Variants in ZBTB20 observed in about 807,000 individuals in gnomAD.
ZBTB20 encodes the protein zinc finger and BTB domain-containing protein 20.
ZBTB20 carries 9 observed loss-of-function variants against 56.9 expected under a neutral mutation model. The ratio of observed to expected loss-of-function variants is 0.16; its 90% CI spans 0.10 to 0.28. The LOEUF (loss-of-function observed/expected upper bound fraction) is 0.28, where lower values mean the gene tolerates loss of function less well. Ranked by LOEUF, ZBTB20 falls within the 10% of genes least tolerant of loss-of-function variation. ZBTB20 has a pLI of 1.00. For synonymous variants in ZBTB20, 417 were observed against 420.7 expected (o/e 0.99, Z 0.11); for missense variants, 655 against 1,003.0 (o/e 0.65, Z 4.69).
chr3:114,991,778 C>G (rs2078821668), intron 2 of ZBTB20, among the ~76,000 whole-genome samples: 1 of 152,064 alleles, frequency 6.6e-6, no homozygotes, highest in Non-Finnish European at 1.5e-5. Context: ...CTTTATGAAT[C>G]TGGGTGCTCC....
intron 1 of ZBTB20, among the ~76,000 whole-genome samples, chr3:115,127,293 T>C (rs2084360825): frequency 6.6e-6 from 1 of 152,144 alleles, no homozygotes; most frequent in African/African-American, 2.4e-5. Context: ...ATCTTAGTCT[T>C]TAAAAAAAGG....
chr3:114,429,012 AG>A (rs2089924821), intron 7 of ZBTB20, among the ~76,000 whole-genome samples: 1 of 152,138 alleles, frequency 6.6e-6, no homozygotes, highest in African/African-American at 2.4e-5. Context: ...AAAAAGATAC[AG>A]GGGGAGAGAT....
In ZBTB20 at chr3:114,338,354, G is replaced by C. The variant is rs1355936051; in HGVS notation, c.*651C>G. ...GGGCCAGGGTGTGTGGACCCGGGCA[G>C]AATCTGGGGAAGAAGCCTGCCATTC... is the stretch of plus-strand genomic sequence containing the variant. On this transcript the variant is annotated 3_prime_UTR_variant, in exon 12 of 12. Transcript: ENST00000675478. 1.3e-5 allele frequency: 2 copies of C among 152,164 alleles called. No individual in the cohort carries two copies. The highest frequency in any genetic ancestry group is 2.9e-5 in the Non-Finnish European group (2 of 68,042). 9.4% of individuals were successfully genotyped at this position (152,164 alleles called of 1,614,324 possible).
Position 114,314,701 on chromosome 3 carries a change from T to G in ZBTB20, c.*24304A>C, listed in dbSNP as rs2078612797. ...ACACAAAACAGAAACCTTGTAAAATTTATTTTCGTATTTTTAAGGCGTAAT... is the reference window on the plus strand; with the variant it reads ...ACACAAAACAGAAACCTTGTAAAATGTATTTTCGTATTTTTAAGGCGTAAT... On this transcript the variant is annotated 3_prime_UTR_variant, in exon 12 of 12. Transcript: ENST00000675478. 1 of 151,854 alleles carries G rather than the reference T, an allele frequency of 6.6e-6. No individual in the cohort carries two copies. The highest frequency in any genetic ancestry group is 2.4e-5 in the African/African-American group (1 of 41,366). The allele number at this position is 151,854 out of a possible 1,614,324, so 9.4% of individuals were successfully genotyped here.
chr3:114,729,017 C>T (rs2065518775), intron 5 of ZBTB20, among the ~76,000 whole-genome samples: 1 of 152,104 alleles, frequency 6.6e-6, no homozygotes, highest in Non-Finnish European at 1.5e-5. Flanking sequence ...CACCATGGCA[C>T]ATGTTTACCT....
intron 5 of ZBTB20, among the ~76,000 whole-genome samples, chr3:114,733,437 A>G (rs1462834523): frequency 6.6e-6 from 1 of 152,084 alleles, no homozygotes; most frequent in African/African-American, 2.4e-5. Flanking sequence ...CACATTCTCT[A>G]TTTGATCTGA....
In ZBTB20 at chr3:114,338,939, CTTTT is replaced by C. The variant is rs2079558696; in HGVS notation, c.*62_*65del. ...CATTTCTTAAATTCTAGTGCCATAG[CTTTT>C]TTGTTTGTTTGTTTTTTGTTGTTGT... On this transcript the variant is annotated 3_prime_UTR_variant, in exon 12 of 12. Transcript: ENST00000675478. 2.8e-6 allele frequency: 4 copies of C among 1,442,824 alleles called. No homozygotes were observed. The highest frequency in any genetic ancestry group is 2.3e-5 in the East Asian group (1 of 42,714). 89.4% of individuals were successfully genotyped at this position (1,442,824 alleles called of 1,614,324 possible).
At chr3:114,731,001 T>C (rs1431360915) in intron 5 of ZBTB20, among the ~76,000 whole-genome samples, 1 of 152,234 alleles carries the variant, frequency 6.6e-6, no homozygotes, top group East Asian at 1.9e-4. Flanking sequence ...TCCTATTTTT[T>C]ACCTTTGAAC....
At chr3:114,869,975 C>T (rs1339538529) in intron 4 of ZBTB20, among the ~76,000 whole-genome samples, 5 of 152,166 alleles carry the variant, frequency 3.3e-5, no homozygotes, top group African/African-American at 1.2e-4. Context: ...AAAATCTTCA[C>T]ACAATCCTTG....
At chr3:114,537,574 G>A (rs544124135) in intron 6 of ZBTB20, among the ~76,000 whole-genome samples, 5 of 152,284 alleles carry the variant, frequency 3.3e-5, no homozygotes, top group South Asian at 4.1e-4. Context: ...GGAAGACAGC[G>A]TGGCAATTCA....
chr3:114,412,631 T>G (rs1206734494), intron 7 of ZBTB20, among the ~76,000 whole-genome samples: 5 of 151,996 alleles, frequency 3.3e-5, no homozygotes, highest in African/African-American at 1.2e-4. Context: ...AGGCAAGCAG[T>G]TTTAGGCTTT....
intron 4 of ZBTB20, among the ~76,000 whole-genome samples, chr3:114,807,023 C>A (rs530425080): frequency 6.6e-6 from 1 of 151,860 alleles, no homozygotes. Context: ...AGAAATTGTA[C>A]GTTATCTAAT....
At chr3:114,544,338 T>C (rs2049466169) in intron 6 of ZBTB20, among the ~76,000 whole-genome samples, 1 of 152,174 alleles carries the variant, frequency 6.6e-6, no homozygotes, top group Non-Finnish European at 1.5e-5. Context: ...AACAAATCTA[T>C]TTAAGATAAA....
chr3:114,765,970 A>G (rs998247108), intron 5 of ZBTB20, among the ~76,000 whole-genome samples: 1 of 152,212 alleles, frequency 6.6e-6, no homozygotes, highest in Non-Finnish European at 1.5e-5. Context: ...ACTAAGAAGG[A>G]AGATAAATAT....
chr3:114,764,299 A>G (rs2068637824), intron 5 of ZBTB20, among the ~76,000 whole-genome samples: 1 of 149,726 alleles, frequency 6.7e-6, no homozygotes. Context: ...TAATGACCAA[A>G]GGGAGGGGCA....
chr3:115,137,021 A>G (rs1471582690), intron 1 of ZBTB20, among the ~76,000 whole-genome samples: 1 of 152,136 alleles, frequency 6.6e-6, no homozygotes. Context: ...GAAAGGTGCC[A>G]TGCACTAACT....
At chr3:114,409,705 T>C (rs2087742369) in intron 7 of ZBTB20, among the ~76,000 whole-genome samples, 1 of 152,118 alleles carries the variant, frequency 6.6e-6, no homozygotes, top group Non-Finnish European at 1.5e-5. Flanking sequence ...CTATGTTTTT[T>C]AAAAAACACA....
intron 5 of ZBTB20, among the ~76,000 whole-genome samples, chr3:114,735,653 C>A (rs2066096314): frequency 6.6e-6 from 1 of 152,000 alleles, no homozygotes; most frequent in African/African-American, 2.4e-5. Flanking sequence ...TAAAATATAA[C>A]CAGTTGATAA....
intron 7 of ZBTB20, among the ~76,000 whole-genome samples, chr3:114,437,537 T>C (rs955239060): frequency 2.6e-5 from 4 of 151,970 alleles, no homozygotes; most frequent in African/African-American, 7.3e-5. Context: ...AGCTTCCAAG[T>C]GAGTTAGGCT....
Sources: gnomAD v4.1 joint callset for allele counts (sites outside exome capture counted in the v4.1 genomes callset) on GRCh38, gnomAD v4.1.1 for gene constraint, MANE v1.5 for transcripts, NCBI Gene and HGNC (gene_info 2026-07-23, HGNC 2026-07-21) for gene names.